TWIST2: variants seen among roughly 807,000 people sequenced by gnomAD.
The protein encoded by TWIST2 is twist family bHLH transcription factor 2.
A neutral mutation model predicts 11.6 loss-of-function variants in TWIST2; 1 was observed. That is an observed-to-expected ratio of 0.09 (90% CI 0.03 to 0.41). The LOEUF is 0.41. Ranked by LOEUF, TWIST2 falls within the 10% of genes least tolerant of loss-of-function variation. The probability of loss-of-function intolerance (pLI) is 0.98; values close to 1 mark genes in which losing one functional copy is unlikely to be tolerated. For missense variants in TWIST2, 168 were observed against 226.4 expected (o/e 0.74, Z 1.66); for synonymous variants, 87 against 96.6 (o/e 0.90, Z 0.58).
chr2:238,850,296 G>T (rs1053337218), intron 1 of TWIST2, among the ~76,000 whole-genome samples: 3 of 152,212 alleles, frequency 2.0e-5, no homozygotes, highest in African/African-American at 7.2e-5. Context: ...AGGAAAGTTT[G>T]GATTGGCTGA....
chr2:238,890,430 G>A (rs1693112984), intron 1 of TWIST2, among the ~76,000 whole-genome samples: 2 of 152,308 alleles, frequency 1.3e-5, no homozygotes, highest in South Asian at 4.1e-4. Context: ...GATTGCACAA[G>A]CCTTGTAAAA....
At chr2:238,882,268 C>T (rs1692949889) in intron 1 of TWIST2, among the ~76,000 whole-genome samples, 1 of 152,222 alleles carries the variant, frequency 6.6e-6, no homozygotes, top group Non-Finnish European at 1.5e-5. Context: ...GCACAGTGCA[C>T]TGTCCTGTGC....
rs1692164082 is a variant in TWIST2 at position 238,848,118 on chromosome 2, G to A, written c.-98G>A. On this transcript the variant is annotated 5_prime_UTR_variant, in exon 1 of 2. Transcript: ENST00000612363. ...CGGCCTTGAAATCAGAGCCTTTCCA[G>A]CAACTCCGAGAGCGTGTGCTCGGCG... is the stretch of plus-strand genomic sequence containing the variant. 2.0e-5 allele frequency: 20 copies of A among 999,624 alleles called. No homozygotes were observed. The highest frequency in any genetic ancestry group is 2.5e-5 in the Non-Finnish European group (20 of 804,138). The allele number at this position is 999,624 out of a possible 1,614,324, so 61.9% of individuals were successfully genotyped here.
chr2:238,894,044 G>C (rs1693179492), intron 1 of TWIST2, among the ~76,000 whole-genome samples: 1 of 152,136 alleles, frequency 6.6e-6, no homozygotes, highest in South Asian at 2.1e-4. Context: ...GCCATGGATG[G>C]AGGTGTAGAC....
chr2:238,899,988 T>TA (rs1693249749), intron 1 of TWIST2, among the ~76,000 whole-genome samples: 1 of 152,150 alleles, frequency 6.6e-6, no homozygotes, highest in Non-Finnish European at 1.5e-5. Flanking sequence ...GAAATATAAA[T>TA]AAATAATAAA....
At chr2:238,880,443 AGT>A (rs1480815413) in intron 1 of TWIST2, among the ~76,000 whole-genome samples, 12 of 114,388 alleles carry the variant, frequency 1.0e-4, no homozygotes, top group Non-Finnish European at 2.1e-4. Flanking sequence ...CATTAGTGTT[AGT>A]GTTAGTATTT....
intron 1 of TWIST2, among the ~76,000 whole-genome samples, chr2:238,882,152 C>T (rs1441457840): frequency 1.3e-5 from 2 of 152,160 alleles, no homozygotes; most frequent in Non-Finnish European, 2.9e-5. Flanking sequence ...GCTCCCAGGT[C>T]CCTGTTCATA....
At chr2:238,894,498 GGGAGCCGCCCTGCCCA>G in intron 1 of TWIST2, among the ~76,000 whole-genome samples, 1 of 152,200 alleles carries the variant, frequency 6.6e-6, no homozygotes, top group Non-Finnish European at 1.5e-5. Context: ...GGGCCATTGG[GGGAGCCGCCCTGCCCA>G]GGCCCCACCT....
chr2:238,898,070 A>G (rs1693225488), intron 1 of TWIST2, among the ~76,000 whole-genome samples: 1 of 152,160 alleles, frequency 6.6e-6, no homozygotes, highest in Admixed American at 6.5e-5. Flanking sequence ...GACTGTCTCA[A>G]GAGGGCTGGA....
chr2:238,891,026 G>A (rs78313154), intron 1 of TWIST2, among the ~76,000 whole-genome samples: 3,387 of 152,290 alleles, frequency 0.022, 44 homozygotes, highest in Non-Finnish European at 0.036. Flanking sequence ...CGGATCCCCC[G>A]AGCTTCGGCG....
intron 1 of TWIST2, among the ~76,000 whole-genome samples, chr2:238,873,247 G>A (rs1692741536): frequency 6.6e-6 from 1 of 152,132 alleles, no homozygotes; most frequent in Non-Finnish European, 1.5e-5. Context: ...AGACCGGGAT[G>A]TGGCGGGGAA....
rs1692542659 is a variant in TWIST2 at position 238,866,680 on chromosome 2, C to T, written c.*35+17947C>T. ...ATGGAAAAAAAAAAGAAAAGCACGG[C>T]GCCTTCATGTTCCATGCCTTCACGC... On this transcript the variant is annotated intron_variant, in intron 1 of 1. Coordinates refer to ENST00000612363, the MANE Select transcript of TWIST2 (RefSeq NM_001271893.4). This position sits in a 1 kb window ranked among gnomAD's most constrained non-coding sequence, Gnocchi z 4.9. Among the ~76,000 whole-genome samples, 1 of 152,066 alleles carries T rather than the reference C, an allele frequency of 6.6e-6. No individual in the cohort carries two copies. The highest frequency in any genetic ancestry group is 2.4e-5 in the African/African-American group (1 of 41,412).
At chr2:238,870,159 C>T (rs1574753993) in intron 1 of TWIST2, among the ~76,000 whole-genome samples, 4 of 79,904 alleles carry the variant, frequency 5.0e-5, no homozygotes, top group Admixed American at 2.9e-4. Context: ...CACCACACCC[C>T]ACACACACCA....
Position 238,901,367 on chromosome 2 carries a change from T to C in TWIST2, c.*36-8475T>C, listed in dbSNP as rs1460789191. 3.9e-5 allele frequency among the ~76,000 whole-genome samples: 6 copies of C among 152,340 alleles called. No homozygotes were observed. In the East Asian group the frequency reaches 9.6e-4, roughly 24 times the overall value. Reference sequence around the variant, plus strand: ...TCATTTTTAAATTTTTTAAAACTTCTCCTTCTATTTGTTTTGTTGTTTCCA... The same window carrying C: ...TCATTTTTAAATTTTTTAAAACTTCCCCTTCTATTTGTTTTGTTGTTTCCA... On this transcript the variant is annotated intron_variant, in intron 1 of 1. Coordinates refer to ENST00000612363, the MANE Select transcript of TWIST2 (RefSeq NM_001271893.4).
intron 1 of TWIST2, among the ~76,000 whole-genome samples, chr2:238,877,941 G>A (rs867581612): frequency 6.6e-6 from 1 of 152,160 alleles, no homozygotes; most frequent in South Asian, 2.1e-4. Context: ...GTGCACTGGG[G>A]GCCAGGCAGA....
intron 1 of TWIST2, among the ~76,000 whole-genome samples, chr2:238,900,717 G>A (rs1237554123): frequency 6.6e-6 from 1 of 152,164 alleles, no homozygotes; most frequent in Admixed American, 6.5e-5. Flanking sequence ...GTCACTGAGT[G>A]GGGGTGGTGA....
At chr2:238,909,085 TA>T in intron 1 of TWIST2, among the ~76,000 whole-genome samples, 1 of 151,982 alleles carries the variant, frequency 6.6e-6, no homozygotes, top group Admixed American at 6.5e-5. Flanking sequence ...GGGGTGTGTG[TA>T]GTGTGTGGTA....
chr2:238,849,756 A>C (rs1692211389), intron 1 of TWIST2, among the ~76,000 whole-genome samples: 3 of 152,272 alleles, frequency 2.0e-5, no homozygotes, highest in Admixed American at 1.3e-4. Context: ...TTTTCACCAG[A>C]CACCTTCCAA....
intron 1 of TWIST2, among the ~76,000 whole-genome samples, chr2:238,891,952 G>T (rs547863785): frequency 2.0e-5 from 3 of 152,184 alleles, no homozygotes; most frequent in African/African-American, 4.8e-5. Flanking sequence ...CGCAAGGCGG[G>T]ACCACTGAAA....
Sources: allele counts gnomAD v4.1 joint callset (sites outside exome capture counted in the v4.1 genomes callset), GRCh38; gene constraint gnomAD v4.1.1; non-coding constraint Gnocchi (gnomAD v3.1); transcripts MANE v1.5; gene names NCBI Gene and HGNC (gene_info 2026-07-23, HGNC 2026-07-21).